FMNL2: variants seen among roughly 807,000 people sequenced by gnomAD.
The protein encoded by FMNL2 is formin-like protein 2.
FMNL2 carries 51 observed loss-of-function variants against 130.2 expected under a neutral mutation model. That is an observed-to-expected ratio of 0.39 (90% confidence interval 0.31 to 0.49). The LOEUF (loss-of-function observed/expected upper bound fraction) is 0.49, where lower values mean the gene tolerates loss of function less well. Ranked by LOEUF, FMNL2 falls within the 20% of genes least tolerant of loss-of-function variation. The probability of loss-of-function intolerance (pLI) is 0.85; values close to 1 mark genes in which losing one functional copy is unlikely to be tolerated. For synonymous variants in FMNL2, 465 were observed against 467.1 expected (o/e 1.00, Z 0.06); for missense variants, 977 against 1,316.2 (o/e 0.74, Z 3.99).
chr2:152,616,266 G>A (rs1490278182), intron 12 of FMNL2, among the ~76,000 whole-genome samples: 2 of 150,800 alleles, frequency 1.3e-5, no homozygotes, highest in East Asian at 3.9e-4. Context: ...CACTTTTGTA[G>A]CAGCAATCTA....
chr2:152,539,704 A>G (rs569364914), intron 2 of FMNL2, among the ~76,000 whole-genome samples: 89 of 152,358 alleles, frequency 5.8e-4, no homozygotes, highest in African/African-American at 2.0e-3. Context: ...AATATAGTCC[A>G]GTCAACAGGA....
intron 1 of FMNL2, among the ~76,000 whole-genome samples, chr2:152,422,488 C>T (rs1393663873): frequency 6.6e-6 from 1 of 152,100 alleles, no homozygotes; most frequent in Non-Finnish European, 1.5e-5. Context: ...CCATAAAATT[C>T]ACTCATTTTA....
At chr2:152,468,533 G>A (rs1446003101) in intron 1 of FMNL2, among the ~76,000 whole-genome samples, 1 of 152,010 alleles carries the variant, frequency 6.6e-6, no homozygotes, top group African/African-American at 2.4e-5. Context: ...GAATTACAAT[G>A]TGCTGTAAGT....
At chr2:152,569,757 C>T (rs1696073029) in intron 6 of FMNL2, among the ~76,000 whole-genome samples, 1 of 149,602 alleles carries the variant, frequency 6.7e-6, no homozygotes, top group South Asian at 2.1e-4. Flanking sequence ...CATCTGTAAT[C>T]TCAGCATTTG....
At chr2:152,610,004 T>G (rs1559005977) in intron 10 of FMNL2, among the ~76,000 whole-genome samples, 1 of 152,092 alleles carries the variant, frequency 6.6e-6, no homozygotes, top group African/African-American at 2.4e-5. Flanking sequence ...CAGGGACAGG[T>G]TTTCTCTTTG....
intron 1 of FMNL2, among the ~76,000 whole-genome samples, chr2:152,434,308 C>T (rs1229933078): frequency 2.0e-5 from 3 of 152,156 alleles, no homozygotes; most frequent in Non-Finnish European, 4.4e-5. Flanking sequence ...TTACAAATGG[C>T]AGGGGGTATG....
intron 1 of FMNL2, among the ~76,000 whole-genome samples, chr2:152,338,451 C>G (rs1681602886): frequency 6.6e-6 from 1 of 152,012 alleles, no homozygotes; most frequent in South Asian, 2.1e-4. Flanking sequence ...GTTAGGAAAG[C>G]CTTAAGAGAG....
At chr2:152,365,738 A>T (rs1399516344) in intron 1 of FMNL2, among the ~76,000 whole-genome samples, 1 of 152,014 alleles carries the variant, frequency 6.6e-6, no homozygotes, top group Non-Finnish European at 1.5e-5. Flanking sequence ...ACGCCACTGC[A>T]CTCCAGCCTG....
chr2:152,561,874 G>A (rs1039321088), intron 6 of FMNL2, among the ~76,000 whole-genome samples: 5 of 152,032 alleles, frequency 3.3e-5, no homozygotes, highest in South Asian at 4.1e-4. Context: ...CACCACACCC[G>A]GCCAGTTGTC....
chr2:152,608,671 G>A (rs1580087191), intron 10 of FMNL2, among the ~76,000 whole-genome samples: 1 of 151,734 alleles, frequency 6.6e-6, no homozygotes, highest in Admixed American at 6.6e-5. Flanking sequence ...AGAAGTTAAG[G>A]CTGATGCTGG....
intron 1 of FMNL2, among the ~76,000 whole-genome samples, chr2:152,415,645 C>T (rs2106019681): frequency 6.6e-6 from 1 of 152,188 alleles, no homozygotes; most frequent in Middle Eastern, 3.4e-3. Context: ...TTTTTCCCCC[C>T]TCTGAACTAT....
chr2:152,376,246 C>T (rs376454111), intron 1 of FMNL2, among the ~76,000 whole-genome samples: 38 of 152,164 alleles, frequency 2.5e-4, no homozygotes, highest in East Asian at 1.4e-3. Context: ...TTTTATTTTT[C>T]GATTCATCAG....
rs1308808359 is a variant in FMNL2 at position 152,468,695 on chromosome 2, T to C, written c.118-53248T>C. On this transcript the variant is annotated intron_variant, in intron 1 of 25. Coordinates refer to ENST00000288670, the MANE Select transcript of FMNL2 (RefSeq NM_052905.4). ...TCAGTTTCTTCTTTTTACTTTTTAATGTAGCTACTAGAAAATTTAATTCCA... is the reference window on the plus strand; with the variant it reads ...TCAGTTTCTTCTTTTTACTTTTTAACGTAGCTACTAGAAAATTTAATTCCA... 2.6e-5 allele frequency among the ~76,000 whole-genome samples: 4 copies of C among 152,234 alleles called. No individual in the cohort carries two copies. In the East Asian group the frequency reaches 7.7e-4, roughly 29 times the overall value.
rs957415495 is a variant in FMNL2 at position 152,391,932 on chromosome 2, C to A, written c.117+56212C>A. Among the ~76,000 whole-genome samples, 20 of 129,680 alleles carry A rather than the reference C, an allele frequency of 1.5e-4. No individual in the cohort carries two copies. The East Asian group carries it at 5.0e-3, about 33-fold the overall frequency. 85.1% of individuals were successfully genotyped at this position (129,680 alleles called of 152,430 possible). A position where few individuals can be genotyped will look rare whatever the true frequency, so the allele number is the denominator to read the frequency against. On this transcript the variant is annotated intron_variant, in intron 1 of 25. Transcript: ENST00000288670. ...TGTTTTTTTTTTTTTTTTTTCAAAC[C>A]CATATTGTCTCGAAAACATCTACCT...
chr2:152,401,394 T>A (rs1685685331), intron 1 of FMNL2, among the ~76,000 whole-genome samples: 1 of 152,182 alleles, frequency 6.6e-6, no homozygotes, highest in South Asian at 2.1e-4. Flanking sequence ...ACAGTCCTAG[T>A]GGTTTCTGCA....
chr2:152,461,015 T>A (rs1274193666), intron 1 of FMNL2, among the ~76,000 whole-genome samples: 1 of 152,092 alleles, frequency 6.6e-6, no homozygotes, highest in Non-Finnish European at 1.5e-5. Flanking sequence ...CATGGAAAAA[T>A]GATCTTCCAC....
At chr2:152,475,475 T>G (rs1340422630) in intron 1 of FMNL2, among the ~76,000 whole-genome samples, 1 of 151,736 alleles carries the variant, frequency 6.6e-6, no homozygotes, top group African/African-American at 2.4e-5. Flanking sequence ...TAGTTTTTTT[T>G]GGTTTCATTT....
intron 1 of FMNL2, among the ~76,000 whole-genome samples, chr2:152,345,512 C>A (rs1682066300): frequency 6.6e-6 from 1 of 152,188 alleles, no homozygotes. Context: ...GCTAGAGAAC[C>A]TAAAATGCAA....
chr2:152,336,092 A>ACAAAAC lies in FMNL2; in HGVS notation c.117+372_117+373insCAAAAC, dbSNP rs1553861629. Among the ~76,000 whole-genome samples the ACAAAAC allele has an allele frequency of 4.5e-5, 6 of 132,268 alleles. No homozygotes were observed. The South Asian group carries it at 9.3e-4, about 21-fold the overall frequency. 86.8% of individuals were successfully genotyped at this position (132,268 alleles called of 152,430 possible). ...GAGCCGCTTAGGCTTTTTTTTTAAAAAAAACAAAACAAAACAAAACAAAAC... is the reference window on the plus strand; with the variant it reads ...GAGCCGCTTAGGCTTTTTTTTTAAAACAAAACAAAACAAAACAAAACAAAACAAAAC... On this transcript the variant is annotated intron_variant, in intron 1 of 25. Coordinates refer to ENST00000288670, the MANE Select transcript of FMNL2 (RefSeq NM_052905.4).
Sources: gnomAD v4.1 joint callset for allele counts (sites outside exome capture counted in the v4.1 genomes callset) on GRCh38, gnomAD v4.1.1 for gene constraint, MANE v1.5 for transcripts, NCBI Gene and HGNC (gene_info 2026-07-23, HGNC 2026-07-21) for gene names.